Variants in MAML2 observed in about 807,000 individuals in gnomAD.
The protein encoded by MAML2 is mastermind-like protein 2.
A neutral mutation model predicts 96.1 loss-of-function variants in MAML2; 22 were observed. The ratio of observed to expected loss-of-function variants is 0.23; its 90% CI spans 0.16 to 0.33. MAML2 has a LOEUF of 0.33. MAML2 is among the 10% of genes least tolerant of loss of function. The pLI is 1.00. For synonymous variants in MAML2, 561 were observed against 521.3 expected, an observed-to-expected ratio of 1.08 and a Z score of -1.04; for missense variants, 1,367 against 1,392.4, an observed-to-expected ratio of 0.98 and a Z score of 0.29.
At chr11:96,055,742 A>G (rs757689860) in intron 2 of MAML2, among the ~76,000 whole-genome samples, 2 of 152,188 alleles carry the variant, frequency 1.3e-5, no homozygotes, top group Non-Finnish European at 2.9e-5. Context: ...GATTTGAACA[A>G]CCAACTTAGT....
At chr11:96,289,406 C>T (rs1380288234) in intron 1 of MAML2, among the ~76,000 whole-genome samples, 2 of 152,282 alleles carry the variant, frequency 1.3e-5, no homozygotes, top group South Asian at 2.1e-4. Context: ...TTAGAATCTT[C>T]GTAGGCACTT....
At chr11:96,322,653 C>G (rs1671330650) in intron 1 of MAML2, among the ~76,000 whole-genome samples, 1 of 152,178 alleles carries the variant, frequency 6.6e-6, no homozygotes, top group Non-Finnish European at 1.5e-5. Context: ...GATCGCGCCA[C>G]TGCACTCCAC....
At chr11:96,228,800 A>G (rs1344713177) in intron 1 of MAML2, among the ~76,000 whole-genome samples, 1 of 152,230 alleles carries the variant, frequency 6.6e-6, no homozygotes, top group Non-Finnish European at 1.5e-5. Context: ...CGGCTGGCAG[A>G]TGGCCATGGT....
chr11:96,246,664 C>G (rs1166120114), intron 1 of MAML2, among the ~76,000 whole-genome samples: 1 of 152,148 alleles, frequency 6.6e-6, no homozygotes, highest in Admixed American at 6.5e-5. Context: ...AGTCAAATGT[C>G]TGAATTATTT....
chr11:96,039,231 A>G (rs954418001), intron 2 of MAML2, among the ~76,000 whole-genome samples: 5 of 150,930 alleles, frequency 3.3e-5, no homozygotes, highest in African/African-American at 9.7e-5. Flanking sequence ...CTCCAGCCTC[A>G]GTGACAGAGC....
chr11:96,119,958 A>ATTTT (rs55920936), intron 1 of MAML2, among the ~76,000 whole-genome samples: 11,109 of 135,794 alleles, frequency 0.082, 812 homozygotes, highest in East Asian at 0.14. Flanking sequence ...GAAGATTCAG[A>ATTTT]TTTTTTTTTT....
At chr11:96,178,645 C>T (rs995091074) in intron 1 of MAML2, among the ~76,000 whole-genome samples, 3 of 152,170 alleles carry the variant, frequency 2.0e-5, no homozygotes, top group Admixed American at 1.3e-4. Context: ...TCACAAAAGC[C>T]AGCTTTAATC....
rs1358178129 is a variant in MAML2 at position 96,049,230 on chromosome 11, C to T, written c.2139+42662G>A. On this transcript the variant is annotated intron_variant, in intron 2 of 4. Transcript: ENST00000524717. ...TACTATGCTCTATTTTTCTTTACTC[C>T]TCTTTGTACTTTGTGTCCTTTTAAA... is the stretch of plus-strand genomic sequence containing the variant. Among the ~76,000 whole-genome samples, 3 of 152,118 alleles carry T rather than the reference C, an allele frequency of 2.0e-5. 1 individual carries two copies. The highest frequency in any genetic ancestry group is 4.4e-5 in the Non-Finnish European group (3 of 68,008).
At chr11:96,126,401 T>C (rs1024440845) in intron 1 of MAML2, among the ~76,000 whole-genome samples, 2 of 150,606 alleles carry the variant, frequency 1.3e-5, no homozygotes, top group Non-Finnish European at 1.5e-5. Flanking sequence ...CTACTGAAAA[T>C]ACAAAAATTA....
intron 2 of MAML2, among the ~76,000 whole-genome samples, chr11:96,031,357 GTT>G (rs1491137279): frequency 2.6e-5 from 4 of 151,194 alleles, no homozygotes; most frequent in African/African-American, 7.3e-5. Context: ...GTGTGTGTGT[GTT>G]TGTGTGTTTT....
intron 1 of MAML2, among the ~76,000 whole-genome samples, chr11:96,280,666 A>G (rs1415156242): frequency 6.6e-6 from 1 of 152,188 alleles, no homozygotes; most frequent in Admixed American, 6.5e-5. Flanking sequence ...CCCCACAGCT[A>G]TTTCACTACT....
chr11:96,332,319 G>A (rs1863865203), intron 1 of MAML2, among the ~76,000 whole-genome samples: 1 of 152,210 alleles, frequency 6.6e-6, no homozygotes, highest in Non-Finnish European at 1.5e-5. Context: ...GCTTAGCTGG[G>A]AGCTCGCTCT....
chr11:96,259,983 T>C (rs371153340), intron 1 of MAML2, among the ~76,000 whole-genome samples: 2 of 152,066 alleles, frequency 1.3e-5, no homozygotes, highest in African/African-American at 4.8e-5. Context: ...CTGTTCTAAT[T>C]TAATCATTAT....
intron 4 of MAML2, among the ~76,000 whole-genome samples, chr11:95,985,145 T>C (rs1237971926): frequency 3.3e-5 from 5 of 152,200 alleles, no homozygotes; most frequent in Non-Finnish European, 5.9e-5. Flanking sequence ...ATGGGCTCAA[T>C]GGTGGATACA....
chr11:95,990,350 A>G lies in MAML2; in HGVS notation c.2343+1170T>C, dbSNP rs375750614. 9.2e-5 allele frequency among the ~76,000 whole-genome samples: 14 copies of G among 151,974 alleles called. No homozygotes were observed. In the East Asian group the frequency reaches 2.7e-3, roughly 29 times the overall value. ...CTTCTTATCCCATCTTTACCCATCAATTCCCCCTTCTCGTGCACACTCAAT... is the reference window on the plus strand; with the variant it reads ...CTTCTTATCCCATCTTTACCCATCAGTTCCCCCTTCTCGTGCACACTCAAT... On this transcript the variant is annotated intron_variant, in intron 3 of 4. Coordinates refer to ENST00000524717, the MANE Select transcript of MAML2 (RefSeq NM_032427.4).
At chr11:96,146,933 CTT>C (rs1860831230) in intron 1 of MAML2, among the ~76,000 whole-genome samples, 1 of 152,168 alleles carries the variant, frequency 6.6e-6, no homozygotes, top group Non-Finnish European at 1.5e-5. Flanking sequence ...TTGGCACACT[CTT>C]TGCTGAAAAT....
intron 1 of MAML2, among the ~76,000 whole-genome samples, chr11:96,282,084 C>T (rs1032284162): frequency 4.6e-5 from 7 of 151,884 alleles, no homozygotes; most frequent in Admixed American, 2.0e-4. Flanking sequence ...CCCATCTCTA[C>T]TAAAAATACA....
At position 96,341,904 on chromosome 11, in the gene MAML2, A is replaced by C; in HGVS notation, c.-9T>G. 1 of 1,506,836 alleles carries C rather than the reference A, an allele frequency of 6.6e-7. No homozygotes were observed. Among genetic ancestry groups the C allele is most frequent in the Non-Finnish European group, 8.8e-7 (1 of 1,131,792 alleles). The allele number at this position is 1,506,836 out of a possible 1,614,324, so 93.3% of individuals were successfully genotyped here. ...GGCGCTGTGTCCCCCATCTTACCGG[A>C]CACAATGATTGCTGCCTCTGGGATG... On this transcript the variant is annotated 5_prime_UTR_variant, in exon 1 of 5. Transcript: ENST00000524717.
chr11:96,159,667 G>A (rs1451841849), intron 1 of MAML2, among the ~76,000 whole-genome samples: 1 of 151,910 alleles, frequency 6.6e-6, no homozygotes, highest in African/African-American at 2.4e-5. Context: ...CTCGTGATCC[G>A]CCCACCTCGG....
Sources: allele counts gnomAD v4.1 joint callset (sites outside exome capture counted in the v4.1 genomes callset), GRCh38; gene constraint gnomAD v4.1.1; transcripts MANE v1.5; gene names NCBI Gene and HGNC (gene_info 2026-07-23, HGNC 2026-07-21).